MPHOSPH9: variants seen among roughly 807,000 people sequenced by gnomAD.
The protein encoded by MPHOSPH9 is M-phase phosphoprotein 9.
Under a neutral mutation model 145.5 loss-of-function variants are expected in MPHOSPH9, and 88 were observed. That is an observed-to-expected ratio of 0.60 (90% CI 0.51 to 0.72). The LOEUF is 0.72. Ranked by LOEUF, MPHOSPH9 falls within the 30% of genes least tolerant of loss-of-function variation. The pLI, the probability that MPHOSPH9 is intolerant of heterozygous loss-of-function variation, is 0.00. For missense variants in MPHOSPH9, 1,238 were observed against 1,386.6 expected (o/e 0.89, Z 1.70); for synonymous variants, 435 against 486.2 (o/e 0.89, Z 1.39).
At chr12:123,223,534 G>A (rs1035529083) in intron 3 of MPHOSPH9, among the ~76,000 whole-genome samples, 6 of 152,160 alleles carry the variant, frequency 3.9e-5, no homozygotes, top group Admixed American at 3.3e-4. Flanking sequence ...CCTGCCTCAC[G>A]GGCATCCTCT....
chr12:123,242,184 G>A (rs147751123), intron 1 of MPHOSPH9, among the ~76,000 whole-genome samples: 1 of 152,184 alleles, frequency 6.6e-6, no homozygotes, highest in East Asian at 1.9e-4. Flanking sequence ...CTGAAGCAAT[G>A]ACAGGAGCTT....
At chr12:123,166,887 A>C in intron 16 of MPHOSPH9, 98 bp from the exon 17 acceptor site, 1 of 1,199,252 alleles carries the variant, frequency 8.3e-7, no homozygotes, top group Admixed American at 2.7e-5. Flanking sequence ...GTATTTACAC[A>C]TTTGTACACT....
At chr12:123,214,604 A>C (rs2046880025) in intron 7 of MPHOSPH9, 140 bp downstream of exon 7, 3 of 646,818 alleles carry the variant, frequency 4.6e-6, no homozygotes, top group Non-Finnish European at 7.9e-6. Context: ...CATTTACAAA[A>C]CCATACTACT....
At chr12:123,233,019 G>A (rs1036400307) in intron 1 of MPHOSPH9, 56 bp downstream of exon 1, 1 of 152,310 alleles carries the variant, frequency 6.6e-6, no homozygotes, top group African/African-American at 2.4e-5. Flanking sequence ...TGTCTCCTAA[G>A]TCTCGTCTCC....
At chr12:123,241,581 C>T (rs1238504542) in intron 1 of MPHOSPH9, among the ~76,000 whole-genome samples, 2 of 152,124 alleles carry the variant, frequency 1.3e-5, no homozygotes, top group African/African-American at 4.8e-5. Context: ...CTCAGGTGAT[C>T]CACCTACTTC....
intron 13 of MPHOSPH9, among the ~76,000 whole-genome samples, chr12:123,192,820 C>T (rs562097671): frequency 1.3e-5 from 2 of 151,494 alleles, no homozygotes; most frequent in South Asian, 4.2e-4. Flanking sequence ...GAAAAAAATA[C>T]TGCTTCAGGC....
At chr12:123,215,164 C>T (rs1254886023) in intron 6 of MPHOSPH9, among the ~76,000 whole-genome samples, 1 of 152,028 alleles carries the variant, frequency 6.6e-6, no homozygotes, top group African/African-American at 2.4e-5. Flanking sequence ...ATCACTTGAA[C>T]CTGGGAGGCA....
intron 6 of MPHOSPH9, among the ~76,000 whole-genome samples, chr12:123,217,359 G>A (rs1049541066): frequency 2.6e-5 from 4 of 151,666 alleles, no homozygotes; most frequent in Admixed American, 6.6e-5. Context: ...TACCACACCC[G>A]GCTAAGTTTT....
At chr12:123,241,764 T>TC (rs1398317393) in intron 1 of MPHOSPH9, among the ~76,000 whole-genome samples, 5 of 152,210 alleles carry the variant, frequency 3.3e-5, no homozygotes, top group African/African-American at 1.2e-4. Context: ...TCTTGTTTGC[T>TC]CCGGCCACAG....
At chr12:123,224,248 C>T (rs539606276) in intron 3 of MPHOSPH9, among the ~76,000 whole-genome samples, 2 of 151,080 alleles carry the variant, frequency 1.3e-5, no homozygotes, top group African/African-American at 4.9e-5. Flanking sequence ...CATTCTCCTG[C>T]CTCAGCCCCC....
rs2047025579 is a variant in MPHOSPH9, at chr12:123,217,716, CATT to C, written c.996+657_996+659del. On this transcript the variant is annotated intron_variant, in intron 6 of 23. Coordinates refer to ENST00000606320, the MANE Select transcript of MPHOSPH9 (RefSeq NM_022782.4). The stretch of plus-strand genomic sequence containing the variant: ...TAAAGAAGAAACACTTACAGCAAAT[CATT>C]ATTTCTAATCCTCTGAAACACCAAA... Among the ~76,000 whole-genome samples, 6 of 152,080 alleles carry C rather than the reference CATT, an allele frequency of 3.9e-5. No individual in the cohort carries two copies. In the South Asian group the frequency reaches 6.2e-4, roughly 16 times the overall value.
chr12:123,179,262 C>A (rs1161910399), intron 15 of MPHOSPH9, among the ~76,000 whole-genome samples: 2 of 152,068 alleles, frequency 1.3e-5, no homozygotes. Context: ...GATCTTACTT[C>A]TAAAAAAAGT....
chr12:123,230,531 G>T lies in MPHOSPH9; in HGVS notation c.-158-9C>A, dbSNP rs982994065. 8.9e-6 allele frequency: 4 copies of T among 449,390 alleles called. No homozygotes were observed. Among genetic ancestry groups the T allele is most frequent in the Non-Finnish European group, 1.6e-5 (4 of 253,276 alleles). 27.8% of individuals were successfully genotyped at this position (449,390 alleles called of 1,614,324 possible). A position where few individuals can be genotyped will look rare whatever the true frequency, so the allele number is the denominator to read the frequency against. ...TAAACTTCCAAGAGAGTCTGAAAATGAATGGGGGAAAAAAATACTACTATA... is the reference window on the plus strand; with the variant it reads ...TAAACTTCCAAGAGAGTCTGAAAATTAATGGGGGAAAAAAATACTACTATA... On this transcript the variant is annotated splice_polypyrimidine_tract_variant and intron_variant, in intron 1 of 23. Transcript: ENST00000606320.
intron 2 of MPHOSPH9, among the ~76,000 whole-genome samples, chr12:123,229,265 T>C (rs2047547464): frequency 6.6e-6 from 1 of 152,168 alleles, no homozygotes. Context: ...CTTACAGTCC[T>C]TGCCTCTTTG....
intron 19 of MPHOSPH9, chr12:123,163,620 T>G (rs1486220345): frequency 4.4e-6 from 1 of 226,360 alleles, no homozygotes; most frequent in Non-Finnish European, 8.6e-6. Flanking sequence ...TTTGATTGAA[T>G]TAATGTTTGG....
chr12:123,158,681 G>A (rs561585919), intron 23 of MPHOSPH9, among the ~76,000 whole-genome samples: 3 of 152,004 alleles, frequency 2.0e-5, no homozygotes, highest in Non-Finnish European at 4.4e-5. Context: ...GCCCTGACTG[G>A]AGTGCAGTGG....
At chr12:123,168,889 G>GTTTT (rs1052892589) in intron 16 of MPHOSPH9, among the ~76,000 whole-genome samples, 1 of 141,034 alleles carries the variant, frequency 7.1e-6, no homozygotes, top group Admixed American at 7.0e-5. Context: ...CTTTCCCTCA[G>GTTTT]TTTTTTTTTT....
chr12:123,224,110 T>TTATATATATATA (rs147637276), intron 3 of MPHOSPH9, among the ~76,000 whole-genome samples: 15 of 120,390 alleles, frequency 1.2e-4, no homozygotes, highest in Non-Finnish European at 1.8e-4. Flanking sequence ...AATTGCTAAT[T>TTATATATATATA]TATATATATA....
chr12:123,201,563 A>G (rs2138343323), intron 11 of MPHOSPH9, among the ~76,000 whole-genome samples: 1 of 152,080 alleles, frequency 6.6e-6, no homozygotes, highest in East Asian at 1.9e-4. Context: ...AATTTTTTGT[A>G]GAGACAGGGT....
Sources: gnomAD v4.1 joint callset for allele counts (sites outside exome capture counted in the v4.1 genomes callset) on GRCh38, gnomAD v4.1.1 for gene constraint, MANE v1.5 for transcripts, NCBI Gene and HGNC (gene_info 2026-07-23, HGNC 2026-07-21) for gene names.